Variants in FBLN5 observed in about 807,000 individuals in gnomAD.
The protein encoded by FBLN5 is fibulin-5.
FBLN5 carries 24 observed loss-of-function variants against 61.6 expected under a neutral mutation model. That is an observed-to-expected ratio of 0.39 (90% CI 0.28 to 0.55). The LOEUF (loss-of-function observed/expected upper bound fraction) is 0.55, where lower values mean the gene tolerates loss of function less well. Ranked by LOEUF, FBLN5 falls within the 20% of genes least tolerant of loss-of-function variation. The probability of loss-of-function intolerance (pLI) is 0.65; values close to 1 mark genes in which losing one functional copy is unlikely to be tolerated. For missense variants in FBLN5, 470 were observed against 594.1 expected (o/e 0.79, Z 2.17); for synonymous variants, 213 against 219.8 (o/e 0.97, Z 0.27).
intron 4 of FBLN5, among the ~76,000 whole-genome samples, chr14:91,917,532 A>AGCCACT (rs1891243711): frequency 6.7e-6 from 1 of 149,790 alleles, no homozygotes; most frequent in South Asian, 2.2e-4. Context: ...GCCAAGATCA[A>AGCCACT]GCCACTGCGC....
intron 4 of FBLN5, among the ~76,000 whole-genome samples, chr14:91,903,512 A>G (rs1890547419): frequency 6.6e-6 from 1 of 152,178 alleles, no homozygotes; most frequent in South Asian, 2.1e-4. Context: ...TAGTTTCTAC[A>G]TGCTGTGGAT....
chr14:91,873,914 A>G lies in FBLN5; in HGVS notation c.1186-3529T>C, dbSNP rs184161090. On this transcript the variant is annotated intron_variant, in intron 10 of 10. Coordinates refer to ENST00000342058, the MANE Select transcript of FBLN5 (RefSeq NM_006329.4). Reference sequence around the variant, plus strand: ...TCCACGTGTGTCATGGAGTAAGTGCACTTTGGCACAGTCTGAACCCCATGA... The same window carrying G: ...TCCACGTGTGTCATGGAGTAAGTGCGCTTTGGCACAGTCTGAACCCCATGA... 7 of 152,356 alleles carry G rather than the reference A, an allele frequency of 4.6e-5. No individual in the cohort carries two copies. The East Asian group carries it at 1.4e-3, about 29-fold the overall frequency. The allele number at this position is 152,356 out of a possible 1,614,324, so 9.4% of individuals were successfully genotyped here. A position where few individuals can be genotyped will look rare whatever the true frequency, so the allele number is the denominator to read the frequency against.
chr14:91,917,110 G>A lies in FBLN5; in HGVS notation c.379+19837C>T, dbSNP rs117328482. Among the ~76,000 whole-genome samples, 770 of 152,318 alleles carry A rather than the reference G, an allele frequency of 5.1e-3. 3 individuals carry two copies. The highest frequency in any genetic ancestry group is 9.7e-3 in the Non-Finnish European group (659 of 68,028). The stretch of plus-strand genomic sequence containing the variant: ...GGGTTGTTAAACTAGAAAGACATAA[G>A]CCTGGAGCTGCCAGCGGCCTCCACT... On this transcript the variant is annotated intron_variant, in intron 4 of 10. Coordinates refer to ENST00000342058, the MANE Select transcript of FBLN5 (RefSeq NM_006329.4).
At chr14:91,911,399 G>A (rs1438644435) in intron 4 of FBLN5, among the ~76,000 whole-genome samples, 1 of 152,190 alleles carries the variant, frequency 6.6e-6, no homozygotes, top group African/African-American at 2.4e-5. Context: ...ATGGGGTTTT[G>A]TGAGAATCAC....
intron 10 of FBLN5, chr14:91,873,940 C>T (rs927486805): frequency 6.6e-6 from 1 of 152,324 alleles, no homozygotes; most frequent in Admixed American, 6.5e-5. Context: ...AACCCCATGA[C>T]CTTGCTCCTT....
At chr14:91,899,844 A>G (rs1890383494) in intron 4 of FBLN5, among the ~76,000 whole-genome samples, 1 of 152,264 alleles carries the variant, frequency 6.6e-6, no homozygotes, top group Non-Finnish European at 1.5e-5. Context: ...CTTCAAGTAC[A>G]GAAAAGATCT....
intron 5 of FBLN5, among the ~76,000 whole-genome samples, chr14:91,892,953 C>T (rs1890056043): frequency 6.6e-6 from 1 of 152,216 alleles, no homozygotes; most frequent in Admixed American, 6.5e-5. Flanking sequence ...CATCCATGAG[C>T]ATCCTTTCCA....
intron 5 of FBLN5, 35 bp from the exon 6 acceptor site, chr14:91,891,372 C>T: frequency 7.4e-7 from 1 of 1,345,004 alleles, no homozygotes. Flanking sequence ...TGAGACAGGT[C>T]TCCTCACTCA....
intron 4 of FBLN5, among the ~76,000 whole-genome samples, chr14:91,926,517 G>A (rs528718360): frequency 6.4e-4 from 97 of 152,328 alleles, no homozygotes; most frequent in South Asian, 1.0e-3. Flanking sequence ...AGAAAGGCTC[G>A]AAAGCTGCCT....
In FBLN5 at chr14:91,919,367, AAAAGAAAAGAAAAG is replaced by A. The variant is rs141415944; in HGVS notation, c.379+17566_379+17579del. On this transcript the variant is annotated intron_variant, in intron 4 of 10. Transcript: ENST00000342058. ...AAAAAAAAAGAAAAGAAAAGAAAAG[AAAAGAAAAGAAAAG>A]AAAGAAAGAAAGGAAGGAAGGAAGG... 3.0e-3 allele frequency among the ~76,000 whole-genome samples: 368 copies of A among 124,118 alleles called. 4 individuals are homozygous for A. The highest frequency in any genetic ancestry group is 0.011 in the African/African-American group (343 of 31,116). The allele number at this position is 124,118 out of a possible 152,430, so 81.4% of individuals were successfully genotyped here. A position where few individuals can be genotyped will look rare whatever the true frequency, so the allele number is the denominator to read the frequency against.
At position 91,870,196 on chromosome 14, in the gene FBLN5, G is replaced by A; in HGVS notation, c.*28C>T. On this transcript the variant is annotated 3_prime_UTR_variant, in exon 11 of 11. Transcript: ENST00000342058. ...CTCCTGTCCCTTGGTGCCAATGAGA[G>A]GCAGCGTCGGAGGCTCCAGCCCGAG... 1.2e-6 allele frequency: 2 copies of A among 1,610,020 alleles called. No homozygotes were observed. Among genetic ancestry groups the A allele is most frequent in the East Asian group, 4.5e-5 (2 of 44,864 alleles).
intron 2 of FBLN5, among the ~76,000 whole-genome samples, chr14:91,940,951 TA>T (rs201221729): frequency 0.035 from 5,060 of 145,308 alleles, 239 homozygotes; most frequent in African/African-American, 0.11. Context: ...AAACTTTATT[TA>T]AAAAAAAACT....
At chr14:91,901,917 C>A (rs1255087674) in intron 4 of FBLN5, among the ~76,000 whole-genome samples, 1 of 152,246 alleles carries the variant, frequency 6.6e-6, no homozygotes. Flanking sequence ...CAGGTCCCAA[C>A]CTCTCCATGG....
chr14:91,921,219 G>A (rs183548301), intron 4 of FBLN5, among the ~76,000 whole-genome samples: 2 of 152,284 alleles, frequency 1.3e-5, no homozygotes, highest in Admixed American at 1.3e-4. Flanking sequence ...AAAGAAAAAG[G>A]TAGTAAAGCA....
chr14:91,912,628 G>C (rs1215715176), intron 4 of FBLN5, among the ~76,000 whole-genome samples: 1 of 152,046 alleles, frequency 6.6e-6, no homozygotes, highest in Non-Finnish European at 1.5e-5. Flanking sequence ...CTGGGTGACA[G>C]AGCTAGACGA....
intron 5 of FBLN5, among the ~76,000 whole-genome samples, chr14:91,892,233 A>G (rs1022925088): frequency 4.6e-5 from 7 of 152,182 alleles, no homozygotes; most frequent in Non-Finnish European, 1.0e-4. Flanking sequence ...TAGTGAATGA[A>G]ATCACCGGCC....
chr14:91,904,022 C>G (rs1890569079), intron 4 of FBLN5, among the ~76,000 whole-genome samples: 1 of 152,184 alleles, frequency 6.6e-6, no homozygotes, highest in African/African-American at 2.4e-5. Context: ...TATACTTTGG[C>G]AACACTGAGA....
At chr14:91,909,260 G>A (rs77212220) in intron 4 of FBLN5, among the ~76,000 whole-genome samples, 2,547 of 152,250 alleles carry the variant, frequency 0.017, 37 homozygotes, top group Middle Eastern at 0.037. Flanking sequence ...GCTAGCACAA[G>A]TGTTCACACC....
intron 4 of FBLN5, among the ~76,000 whole-genome samples, chr14:91,897,564 G>A (rs114063252): frequency 0.012 from 1,799 of 152,288 alleles, 35 homozygotes; most frequent in African/African-American, 0.041. Flanking sequence ...CTGTGCTTGC[G>A]TAATTTGCAT....
Sources: gnomAD v4.1 joint callset for allele counts (sites outside exome capture counted in the v4.1 genomes callset) on GRCh38, gnomAD v4.1.1 for gene constraint, MANE v1.5 for transcripts, NCBI Gene and HGNC (gene_info 2026-07-23, HGNC 2026-07-21) for gene names.